Variants in GPBP1L1 observed in about 807,000 individuals in gnomAD.
GPBP1L1 encodes vasculin-like protein 1.
In GPBP1L1, 23 loss-of-function variants were observed where a neutral mutation model predicts 52.5. The observed-to-expected ratio is 0.44, with a 90% CI of 0.32 to 0.62. The LOEUF (loss-of-function observed/expected upper bound fraction) is 0.62, where lower values mean the gene tolerates loss of function less well. GPBP1L1 is among the 20% of genes least tolerant of loss of function. GPBP1L1 has a pLI of 0.06. For missense variants in GPBP1L1, 596 were observed against 579.3 expected, an observed-to-expected ratio of 1.03 and a Z score of -0.30; for synonymous variants, 243 against 203.1, an observed-to-expected ratio of 1.20 and a Z score of -1.67.
chr1:45,659,289 C>CA, intron 3 of GPBP1L1, 147 bp from the exon 4 acceptor site: 1 of 538,830 alleles, frequency 1.9e-6, no homozygotes, highest in Non-Finnish European at 3.2e-6. Context: ...CCTTATAACT[C>CA]AGAGAAGTTC....
chr1:45,672,932 G>C (rs1225835188), intron 2 of GPBP1L1, among the ~76,000 whole-genome samples: 2 of 152,214 alleles, frequency 1.3e-5, no homozygotes, highest in African/African-American at 4.8e-5. Flanking sequence ...GTTCAAGAGG[G>C]AAGGAACTGG....
At chr1:45,630,794 G>C in intron 10 of GPBP1L1, 188 bp from the exon 11 acceptor site, 1 of 591,556 alleles carries the variant, frequency 1.7e-6, no homozygotes, top group Non-Finnish European at 3.0e-6. Context: ...AAGTTTTAAT[G>C]AAAAGGCAAA....
At chr1:45,674,212 G>T (rs542320708) in intron 2 of GPBP1L1, among the ~76,000 whole-genome samples, 2 of 152,208 alleles carry the variant, frequency 1.3e-5, no homozygotes, top group Admixed American at 6.5e-5. Flanking sequence ...CTCAAACCTG[G>T]ATTACATCAA....
Position 45,680,159 on chromosome 1 carries a change from T to C in GPBP1L1, c.-1098+5417A>G, listed in dbSNP as rs564205449. Among the ~76,000 whole-genome samples the C allele has an allele frequency of 1.5e-3, 229 of 152,224 alleles. 1 individual carries two copies. The highest frequency in any genetic ancestry group is 1.5e-3 in the Non-Finnish European group (100 of 68,016). On this transcript the variant is annotated intron_variant, in intron 2 of 12. Coordinates refer to ENST00000355105, the MANE Select transcript of GPBP1L1 (RefSeq NM_021639.5). ...CTATGATTACAAGTAAACAGGCTATTTGTAACATTTTCAAAACTATAGTTT... is the reference window on the plus strand; with the variant it reads ...CTATGATTACAAGTAAACAGGCTATCTGTAACATTTTCAAAACTATAGTTT...
At chr1:45,654,499 T>G in intron 6 of GPBP1L1, 44 bp downstream of exon 6, 1 of 1,520,982 alleles carries the variant, frequency 6.6e-7, no homozygotes, top group Non-Finnish European at 8.9e-7. Flanking sequence ...ATTTCAGACA[T>G]TATTTGTTGG....
chr1:45,631,759 C>A (rs1411920812), intron 10 of GPBP1L1, among the ~76,000 whole-genome samples: 1 of 152,020 alleles, frequency 6.6e-6, no homozygotes, highest in Non-Finnish European at 1.5e-5. Context: ...TATCTCTGTA[C>A]CAAACAAAAT....
intron 10 of GPBP1L1, among the ~76,000 whole-genome samples, chr1:45,630,963 C>A (rs897011788): frequency 6.6e-6 from 1 of 151,938 alleles, no homozygotes; most frequent in Admixed American, 6.6e-5. Flanking sequence ...CAGAAGATGA[C>A]ACAAATAGTC....
chr1:45,672,402 T>C (rs1379673359), intron 2 of GPBP1L1, among the ~76,000 whole-genome samples: 4 of 152,134 alleles, frequency 2.6e-5, no homozygotes, highest in East Asian at 1.9e-4. Context: ...TTTGATGCTA[T>C]TGCATTATTT....
At chr1:45,659,171 T>C (rs773385005) in intron 3 of GPBP1L1, 29 bp from the exon 4 acceptor site, 59 of 1,324,594 alleles carry the variant, frequency 4.5e-5, no homozygotes, top group Non-Finnish European at 5.8e-5. Context: ...AAATCACTTA[T>C]GTTTACAAGA....
At chr1:45,655,356 T>A in intron 4 of GPBP1L1, 37 bp from the exon 5 acceptor site, 1 of 1,609,454 alleles carries the variant, frequency 6.2e-7, no homozygotes, top group South Asian at 1.1e-5. Context: ...AATGGATAAA[T>A]AGCTATTAGT....
At chr1:45,639,021 A>C (rs1346600217) in intron 8 of GPBP1L1, among the ~76,000 whole-genome samples, 1 of 152,150 alleles carries the variant, frequency 6.6e-6, no homozygotes, top group Non-Finnish European at 1.5e-5. Flanking sequence ...TCATGAGCTC[A>C]TACTTATTTT....
intron 6 of GPBP1L1, among the ~76,000 whole-genome samples, chr1:45,644,410 TA>T (rs1347974824): frequency 6.6e-6 from 1 of 152,176 alleles, no homozygotes; most frequent in East Asian, 1.9e-4. Context: ...AGGAAAAATA[TA>T]AAACAAATGA....
At chr1:45,686,680 G>C (rs1645292842), upstream of GPBP1L1, 1 of 152,198 alleles carries the variant, frequency 6.6e-6, no homozygotes, top group Admixed American at 6.5e-5. Flanking sequence ...CGACCCTCCC[G>C]GACGCCAGTT....
At chr1:45,633,807 G>A in intron 9 of GPBP1L1, 160 bp from the exon 10 acceptor site, 1 of 792,906 alleles carries the variant, frequency 1.3e-6, no homozygotes, top group Non-Finnish European at 2.0e-6. Context: ...CAGTTTTGCA[G>A]GGTTTATATA....
intron 2 of GPBP1L1, among the ~76,000 whole-genome samples, chr1:45,683,212 T>C (rs1645233372): frequency 7.6e-6 from 1 of 131,108 alleles, no homozygotes; most frequent in Admixed American, 7.5e-5. Flanking sequence ...CCTTTTTTTT[T>C]TTTTTTTTTT....
intron 6 of GPBP1L1, chr1:45,645,920 G>T (rs1039824265): frequency 6.1e-6 from 3 of 495,326 alleles, no homozygotes; most frequent in Non-Finnish European, 7.8e-6. Context: ...TCAAATGGTT[G>T]GGATAGAAGC....
chr1:45,660,731 A>C lies in GPBP1L1; in HGVS notation c.-603T>G, dbSNP rs1644938162. On this transcript the variant is annotated 5_prime_UTR_variant, in exon 3 of 13. An upstream start codon of the reference 5' UTR is lost. Transcript: ENST00000355105. ...ACAAAGTCCTTAAAATACAAATCTC[A>C]TTACTCTTACTCATGCAACTGCTAA... is the stretch of plus-strand genomic sequence containing the variant. 5.1e-4 allele frequency: 84 copies of C among 166,270 alleles called. No homozygotes were observed. The highest frequency in any genetic ancestry group is 9.6e-4 in the Non-Finnish European group (78 of 80,936). 10.3% of individuals were successfully genotyped at this position (166,270 alleles called of 1,614,324 possible). A position where few individuals can be genotyped will look rare whatever the true frequency, so the allele number is the denominator to read the frequency against.
chr1:45,682,870 C>T (rs1321895778), intron 2 of GPBP1L1, among the ~76,000 whole-genome samples: 3 of 152,108 alleles, frequency 2.0e-5, no homozygotes, highest in African/African-American at 7.2e-5. Context: ...CTGTTTGAGG[C>T]AGATTTCAGT....
chr1:45,683,181 T>C (rs1035382790), intron 2 of GPBP1L1, among the ~76,000 whole-genome samples: 3 of 150,882 alleles, frequency 2.0e-5, no homozygotes, highest in Non-Finnish European at 4.4e-5. Context: ...ACAACTTAGA[T>C]TGCCTAAATT....
Sources: gnomAD v4.1 joint callset for allele counts (sites outside exome capture counted in the v4.1 genomes callset) on GRCh38, gnomAD v4.1.1 for gene constraint, MANE v1.5 for transcripts, NCBI Gene and HGNC (gene_info 2026-07-23, HGNC 2026-07-21) for gene names.